STK32B: variants seen among roughly 807,000 people sequenced by gnomAD.
STK32B encodes serine/threonine-protein kinase 32B.
STK32B carries 43 observed loss-of-function variants against 52.6 expected under a neutral mutation model. That is an observed-to-expected ratio of 0.82 (90% CI 0.64 to 1.05). The LOEUF is 1.05. Among genes scored for constraint, STK32B ranks in the 50% least tolerant of loss-of-function variants. The probability of loss-of-function intolerance (pLI) is 0.00; values close to 1 mark genes in which losing one functional copy is unlikely to be tolerated. For synonymous variants in STK32B, 238 were observed against 204.3 expected (o/e 1.17, Z -1.41); for missense variants, 621 against 534.6 (o/e 1.16, Z -1.59).
chr4:5,214,584 A>G (rs532337283), intron 3 of STK32B, among the ~76,000 whole-genome samples: 4 of 152,234 alleles, frequency 2.6e-5, no homozygotes, highest in East Asian at 1.9e-4. Flanking sequence ...CCAATGCTCT[A>G]TTTGTCCAAC....
At chr4:5,490,716 C>G (rs1424355479) in intron 11 of STK32B, among the ~76,000 whole-genome samples, 1 of 151,958 alleles carries the variant, frequency 6.6e-6, no homozygotes, top group South Asian at 2.1e-4. Flanking sequence ...TAAAGCTATC[C>G]CTCCCCAACT....
At chr4:5,131,335 G>C (rs971912431) in intron 1 of STK32B, among the ~76,000 whole-genome samples, 24 of 152,304 alleles carry the variant, frequency 1.6e-4, no homozygotes, top group African/African-American at 5.1e-4. Flanking sequence ...CTGAGATCCT[G>C]CTTCCCTAGT....
intron 4 of STK32B, among the ~76,000 whole-genome samples, chr4:5,356,510 G>A (rs1244431393): frequency 2.0e-5 from 3 of 152,146 alleles, no homozygotes; most frequent in Admixed American, 1.3e-4. Context: ...GAAGATTCCC[G>A]AGTGCCCCAG....
At chr4:5,207,649 A>C (rs368637847) in intron 3 of STK32B, among the ~76,000 whole-genome samples, 1 of 151,616 alleles carries the variant, frequency 6.6e-6, no homozygotes, top group African/African-American at 2.4e-5. Context: ...GGAAAATATT[A>C]TTTTCTCAAA....
rs570964396 is a variant in STK32B at position 5,491,279 on chromosome 4, G to T, written c.1107-7666G>T. On this transcript the variant is annotated intron_variant, in intron 11 of 11. Coordinates refer to ENST00000282908, the MANE Select transcript of STK32B (RefSeq NM_018401.3). ...ATGATTGCCATTCTAACTAACTGGT[G>T]TGAGATGGTATCTCATTGTGGTTTT... 7.6e-4 allele frequency among the ~76,000 whole-genome samples: 116 copies of T among 152,290 alleles called. No individual in the cohort carries two copies. The East Asian group carries it at 0.022, about 29-fold the overall frequency.
intron 3 of STK32B, among the ~76,000 whole-genome samples, chr4:5,213,082 C>T (rs1722998987): frequency 6.6e-6 from 1 of 152,122 alleles, no homozygotes; most frequent in Non-Finnish European, 1.5e-5. Context: ...AGCTGTTGTG[C>T]ATTAGCACTG....
chr4:5,401,955 A>G (rs1372814468), intron 5 of STK32B, among the ~76,000 whole-genome samples: 14 of 152,174 alleles, frequency 9.2e-5, no homozygotes, highest in Non-Finnish European at 1.5e-4. Flanking sequence ...ACCCACTCCA[A>G]TGTCTGAGGC....
intron 4 of STK32B, among the ~76,000 whole-genome samples, chr4:5,379,518 C>T (rs1033623259): frequency 2.0e-5 from 3 of 152,172 alleles, no homozygotes; most frequent in African/African-American, 7.2e-5. Flanking sequence ...TTGTGCCCAC[C>T]ACCCCCAATT....
chr4:5,295,474 A>G (rs1347302557), intron 3 of STK32B, among the ~76,000 whole-genome samples: 1 of 151,266 alleles, frequency 6.6e-6, no homozygotes, highest in Non-Finnish European at 1.5e-5. Flanking sequence ...CTATTCAGGG[A>G]TTTGACTCCT....
intron 1 of STK32B, among the ~76,000 whole-genome samples, chr4:5,129,722 A>G (rs986579005): frequency 1.1e-4 from 17 of 152,176 alleles, no homozygotes; most frequent in African/African-American, 4.1e-4. Flanking sequence ...CCTAAGAAGT[A>G]GGTATCATTG....
At chr4:5,131,358 G>A (rs376359129) in intron 1 of STK32B, among the ~76,000 whole-genome samples, 1 of 152,202 alleles carries the variant, frequency 6.6e-6, no homozygotes, top group East Asian at 1.9e-4. Context: ...CCGTCATGTG[G>A]CAATTTTATC....
chr4:5,492,825 T>G (rs985648236), intron 11 of STK32B, among the ~76,000 whole-genome samples: 1 of 151,226 alleles, frequency 6.6e-6, no homozygotes, highest in African/African-American at 2.5e-5. Context: ...CTGCATCTGT[T>G]GAGATAATCA....
intron 4 of STK32B, among the ~76,000 whole-genome samples, chr4:5,357,633 C>A (rs1307181883): frequency 7.3e-6 from 1 of 137,090 alleles, no homozygotes; most frequent in Non-Finnish European, 1.5e-5. Flanking sequence ...CTGTTACAGC[C>A]CTTTTGGAAT....
chr4:5,122,642 C>G (rs1307266306), intron 1 of STK32B, among the ~76,000 whole-genome samples: 2 of 152,212 alleles, frequency 1.3e-5, no homozygotes, highest in African/African-American at 4.8e-5. Context: ...CTCACTCACT[C>G]ATTTACTCAT....
In STK32B at chr4:5,201,468, T is replaced by C. The variant is rs564423867; in HGVS notation, c.260+33018T>C. Reference sequence around the variant, plus strand: ...CTTTTGATATCCATACTCAGATCAGTGATTGAGGGATGAGTTGCACTCCCC... The same window carrying C: ...CTTTTGATATCCATACTCAGATCAGCGATTGAGGGATGAGTTGCACTCCCC... On this transcript the variant is annotated intron_variant, in intron 3 of 11. Coordinates refer to ENST00000282908, the MANE Select transcript of STK32B (RefSeq NM_018401.3). Among the ~76,000 whole-genome samples the C allele has an allele frequency of 2.0e-5, 3 of 152,238 alleles. No individual in the cohort carries two copies. The East Asian group carries it at 5.8e-4, about 29-fold the overall frequency.
At chr4:5,244,966 T>C (rs1725331567) in intron 3 of STK32B, among the ~76,000 whole-genome samples, 1 of 152,214 alleles carries the variant, frequency 6.6e-6, no homozygotes, top group African/African-American at 2.4e-5. Flanking sequence ...TTCTGTTCTT[T>C]TGCATTTGCT....
intron 3 of STK32B, among the ~76,000 whole-genome samples, chr4:5,289,445 T>G (rs1473087101): frequency 6.6e-6 from 1 of 152,100 alleles, no homozygotes; most frequent in Non-Finnish European, 1.5e-5. Context: ...CTAAATTTAT[T>G]TTATTCTTTT....
At chr4:5,067,312 C>T (rs1303973263) in intron 1 of STK32B, among the ~76,000 whole-genome samples, 2 of 152,132 alleles carry the variant, frequency 1.3e-5, no homozygotes, top group Admixed American at 1.3e-4. Flanking sequence ...ATGGGAGCTA[C>T]AATTCAAGAT....
intron 3 of STK32B, among the ~76,000 whole-genome samples, chr4:5,227,212 C>T (rs1120924): frequency 0.25 from 38,562 of 152,098 alleles, 5,467 homozygotes; most frequent in Non-Finnish European, 0.33. Context: ...CAAGCAGTAT[C>T]TTCTTAAAGA....
Sources: allele counts gnomAD v4.1 joint callset (sites outside exome capture counted in the v4.1 genomes callset), GRCh38; gene constraint gnomAD v4.1.1; transcripts MANE v1.5; gene names NCBI Gene and HGNC (gene_info 2026-07-23, HGNC 2026-07-21).